Variants in FAF1 observed in about 807,000 individuals in gnomAD.
The protein encoded by FAF1 is Fas associated factor 1.
Under a neutral mutation model 92.5 loss-of-function variants are expected in FAF1, and 25 were observed. The observed-to-expected ratio is 0.27, with a 90% CI of 0.20 to 0.38. The LOEUF (loss-of-function observed/expected upper bound fraction) is 0.38. Among genes scored for constraint, FAF1 ranks in the 10% least tolerant of loss-of-function variants. FAF1 has a pLI of 1.00. For missense variants in FAF1, 636 were observed against 793.3 expected (o/e 0.80, Z 2.38); for synonymous variants, 234 against 273.2 (o/e 0.86, Z 1.42).
At chr1:50,868,632 A>G (rs72904723) in intron 1 of FAF1, among the ~76,000 whole-genome samples, 10,145 of 152,200 alleles carry the variant, frequency 0.067, 414 homozygotes, top group East Asian at 0.094. Flanking sequence ...AGTTTTTTCT[A>G]AAGTTTTCCT....
intron 17 of FAF1, among the ~76,000 whole-genome samples, chr1:50,488,109 T>C (rs904566109): frequency 6.6e-6 from 1 of 152,176 alleles, no homozygotes; most frequent in African/African-American, 2.4e-5. Context: ...TTTGTGACAC[T>C]TGGTTAAGGG....
At chr1:50,880,437 C>T (rs900138460) in intron 1 of FAF1, among the ~76,000 whole-genome samples, 16 of 152,100 alleles carry the variant, frequency 1.1e-4, no homozygotes, top group Non-Finnish European at 1.8e-4. Context: ...TGGCCGTATT[C>T]GGAGTAAGGA....
intron 1 of FAF1, among the ~76,000 whole-genome samples, chr1:50,915,370 C>CA (rs1157402147): frequency 0.016 from 1,178 of 71,492 alleles, 15 homozygotes; most frequent in Middle Eastern, 0.052. Context: ...AACTCCATCT[C>CA]AAAAAAAAAA....
chr1:50,932,224 G>GT (rs956279580), intron 1 of FAF1, among the ~76,000 whole-genome samples: 5 of 152,044 alleles, frequency 3.3e-5, no homozygotes, highest in Admixed American at 1.3e-4. Context: ...CCCCAAAGCC[G>GT]TAACTCATTT....
At chr1:50,587,075 CAG>C (rs1393063231) in intron 9 of FAF1, among the ~76,000 whole-genome samples, 4 of 152,076 alleles carry the variant, frequency 2.6e-5, no homozygotes, top group African/African-American at 9.7e-5. Flanking sequence ...GTGGGAGACA[CAG>C]GGGAGAAAAA....
At chr1:50,789,400 A>T (rs1661486029) in intron 3 of FAF1, among the ~76,000 whole-genome samples, 1 of 152,152 alleles carries the variant, frequency 6.6e-6, no homozygotes, top group South Asian at 2.1e-4. Context: ...AGCTTAGTTC[A>T]TTAGTATTTC....
chr1:50,932,966 T>C (rs1645060005), intron 1 of FAF1, among the ~76,000 whole-genome samples: 1 of 152,222 alleles, frequency 6.6e-6, no homozygotes, highest in Admixed American at 6.5e-5. Flanking sequence ...CCAAGCTCTA[T>C]GTTGGCCCAT....
At chr1:50,450,251 G>A (rs1646278834) in intron 18 of FAF1, among the ~76,000 whole-genome samples, 1 of 151,200 alleles carries the variant, frequency 6.6e-6, no homozygotes, top group Non-Finnish European at 1.5e-5. Flanking sequence ...CACTAGGCTA[G>A]TTGTTCTATA....
chr1:50,792,336 G>A (rs1277999149), intron 3 of FAF1, among the ~76,000 whole-genome samples: 1 of 152,160 alleles, frequency 6.6e-6, no homozygotes, highest in Non-Finnish European at 1.5e-5. Flanking sequence ...GTAGAATTAT[G>A]GTGAAAGTTG....
At chr1:50,840,300 T>C (rs550077076) in intron 2 of FAF1, among the ~76,000 whole-genome samples, 13 of 151,772 alleles carry the variant, frequency 8.6e-5, no homozygotes, top group Non-Finnish European at 1.9e-4. Flanking sequence ...AAGACCCCAC[T>C]AAGAAAATGA....
At chr1:50,865,816 T>C (rs1403517815) in intron 1 of FAF1, among the ~76,000 whole-genome samples, 5 of 146,142 alleles carry the variant, frequency 3.4e-5, no homozygotes, top group Non-Finnish European at 7.5e-5. Context: ...TGTGCACATG[T>C]ACCCTAAAAC....
At chr1:50,672,208 C>CTAATTTTTTTG (rs1375331916) in intron 7 of FAF1, among the ~76,000 whole-genome samples, 16 of 151,942 alleles carry the variant, frequency 1.1e-4, no homozygotes, top group African/African-American at 3.6e-4. Context: ...CCATGCCCAG[C>CTAATTTTTTTG]TAATTTTTTT....
chr1:50,948,635 C>T (rs907320058), intron 1 of FAF1, among the ~76,000 whole-genome samples: 3 of 151,278 alleles, frequency 2.0e-5, no homozygotes, highest in East Asian at 1.9e-4. Context: ...CAGATTCAAG[C>T]GATTCTCACG....
intron 6 of FAF1, chr1:50,715,121 T>C (rs754642454): frequency 7.0e-6 from 2 of 287,408 alleles, no homozygotes; most frequent in Middle Eastern, 4.2e-4. Context: ...CCCTCAGATA[T>C]AGACTGAAGT....
chr1:50,530,292 T>C (rs1160136761), intron 15 of FAF1, among the ~76,000 whole-genome samples: 2 of 146,712 alleles, frequency 1.4e-5, no homozygotes, highest in Non-Finnish European at 3.1e-5. Flanking sequence ...TATATGTATA[T>C]ATGTATGAGT....
chr1:50,675,469 C>T (rs1184866805), intron 7 of FAF1, among the ~76,000 whole-genome samples: 1 of 152,188 alleles, frequency 6.6e-6, no homozygotes, highest in Non-Finnish European at 1.5e-5. Context: ...CATTGCCTAT[C>T]CAAAGAGGCA....
intron 6 of FAF1, chr1:50,715,097 C>T: frequency 2.7e-6 from 1 of 369,348 alleles, no homozygotes; most frequent in South Asian, 2.2e-5. Flanking sequence ...TTAAAACTAA[C>T]AGTTCTTCAT....
At chr1:50,752,746 G>T (rs1268927758) in intron 4 of FAF1, among the ~76,000 whole-genome samples, 2 of 151,990 alleles carry the variant, frequency 1.3e-5, no homozygotes, top group Non-Finnish European at 2.9e-5. Flanking sequence ...GCAGTGGGGT[G>T]ATCTCAACTC....
intron 8 of FAF1, among the ~76,000 whole-genome samples, chr1:50,639,692 T>A (rs1419582163): frequency 6.6e-6 from 1 of 152,128 alleles, no homozygotes; most frequent in African/African-American, 2.4e-5. Flanking sequence ...TCCCAGCACT[T>A]TGGGAGGCCA....
Sources: allele counts gnomAD v4.1 joint callset (sites outside exome capture counted in the v4.1 genomes callset), GRCh38; gene constraint gnomAD v4.1.1; transcripts MANE v1.5; gene names NCBI Gene and HGNC (gene_info 2026-07-23, HGNC 2026-07-21).